Variants in MIDEAS observed in about 807,000 individuals in gnomAD.
MIDEAS encodes mitotic deacetylase-associated SANT domain protein.
Under a neutral mutation model 102.7 loss-of-function variants are expected in MIDEAS, and 26 were observed. The observed-to-expected ratio is 0.25, with a 90% confidence interval of 0.19 to 0.35. MIDEAS has a LOEUF of 0.35. Among genes scored for constraint, MIDEAS ranks in the 10% least tolerant of loss-of-function variants. The pLI is 1.00. For synonymous variants in MIDEAS, 585 were observed against 591.0 expected, an observed-to-expected ratio of 0.99 and a Z score of 0.15; for missense variants, 1,231 against 1,435.6, an observed-to-expected ratio of 0.86 and a Z score of 2.30.
chr14:73,783,853 T>C (rs1271072197), intron 1 of MIDEAS, among the ~76,000 whole-genome samples: 3 of 152,210 alleles, frequency 2.0e-5, no homozygotes, highest in Non-Finnish European at 4.4e-5. Context: ...CTTAAGCGAC[T>C]AGAATGCCCT....
At chr14:73,738,110 G>A (rs963417731) in intron 2 of MIDEAS, among the ~76,000 whole-genome samples, 1 of 152,084 alleles carries the variant, frequency 6.6e-6, no homozygotes, top group Non-Finnish European at 1.5e-5. Flanking sequence ...TATAGAAAGT[G>A]CTTCTGGCTG....
rs1370825367 is a variant in MIDEAS, at chr14:73,759,478, A to G, written c.-248+285T>C. On this transcript the variant is annotated intron_variant, in intron 1 of 12. Coordinates refer to ENST00000423556, the MANE Select transcript of MIDEAS (RefSeq NM_001367710.1). This position sits in a 1 kb window ranked among gnomAD's most constrained non-coding sequence, Gnocchi z 6.7. ...GCGCGCAAGCTGCGTAGCTGCACAA[A>G]CACCGCGGGGCTGCGCTGCACACGC... 2.0e-5 allele frequency among the ~76,000 whole-genome samples: 3 copies of G among 150,726 alleles called. No individual in the cohort carries two copies. In the East Asian group the frequency reaches 6.0e-4, roughly 30 times the overall value.
At chr14:73,769,727 G>A (rs1400024918) in intron 1 of MIDEAS, among the ~76,000 whole-genome samples, 1 of 151,826 alleles carries the variant, frequency 6.6e-6, no homozygotes, top group Non-Finnish European at 1.5e-5. Flanking sequence ...TCAGCCTCCC[G>A]AGTAACTGGG....
rs181333226 is a variant in MIDEAS at position 73,744,208 on chromosome 14, G to A, written c.-247-3953C>T. 4.2e-3 allele frequency among the ~76,000 whole-genome samples: 640 copies of A among 152,214 alleles called. 10 individuals are homozygous for A. The highest frequency in any genetic ancestry group is 0.039 in the Admixed American group (590 of 15,290). ...CACACACTGCTCCCCAAATGCCATC[G>A]GCAGCCCAGCTGCACACCCAACACT... On this transcript the variant is annotated intron_variant, in intron 1 of 12. Coordinates refer to ENST00000423556, the MANE Select transcript of MIDEAS (RefSeq NM_001367710.1).
chr14:73,746,039 G>T (rs554288718), intron 1 of MIDEAS, among the ~76,000 whole-genome samples: 1 of 152,232 alleles, frequency 6.6e-6, no homozygotes, highest in African/African-American at 2.4e-5. Flanking sequence ...CTTGGCCAGG[G>T]TTCAAGCTGC....
At chr14:73,761,832 A>C (rs2053557906), upstream of MIDEAS, among the ~76,000 whole-genome samples, 1 of 152,186 alleles carries the variant, frequency 6.6e-6, no homozygotes, top group South Asian at 2.1e-4. Flanking sequence ...AGAGAGGTTA[A>C]GTGAATTGCA....
At position 73,729,760 on chromosome 14, in the gene MIDEAS, T is replaced by TG; in HGVS notation, c.1974dup (p.Ile659HisfsTer31). 2 of 1,613,890 alleles carry TG rather than the reference T, an allele frequency of 1.2e-6. No individual in the cohort carries two copies. The highest frequency in any genetic ancestry group is 2.2e-5 in the East Asian group (1 of 44,868). On this transcript the variant is annotated frameshift_variant, in exon 4 of 13. Coordinates refer to ENST00000423556, the MANE Select transcript of MIDEAS (RefSeq NM_001367710.1). LOFTEE classifies it high-confidence loss of function. ...GAGCCTTCCCGCACAGGGCTGAGGA[T>TG]GGGGGGCGGCGTGTAGGGAGGTAGC...
chr14:73,785,599 G>A (rs1595306095), intron 1 of MIDEAS, among the ~76,000 whole-genome samples: 1 of 152,158 alleles, frequency 6.6e-6, no homozygotes, highest in Admixed American at 6.5e-5. Context: ...GTCACACATG[G>A]TCTGACGAGT....
intron 3 of MIDEAS, among the ~76,000 whole-genome samples, chr14:73,732,511 T>C (rs940079303): frequency 1.3e-5 from 2 of 152,058 alleles, no homozygotes; most frequent in Admixed American, 1.3e-4. Context: ...TTTGTCCAGG[T>C]GTGGTGGCTC....
chr14:73,778,218 G>A (rs1203019487), intron 1 of MIDEAS, among the ~76,000 whole-genome samples: 5 of 151,862 alleles, frequency 3.3e-5, no homozygotes, highest in African/African-American at 1.2e-4. Flanking sequence ...AGCCGGGTGC[G>A]GCAGCACACA....
chr14:73,770,342 G>T (rs75290636), intron 1 of MIDEAS, among the ~76,000 whole-genome samples: 1 of 147,458 alleles, frequency 6.8e-6, no homozygotes, highest in Non-Finnish European at 1.5e-5. Flanking sequence ...TAACAGTAAC[G>T]ACGGTGATGA....
intron 2 of MIDEAS, among the ~76,000 whole-genome samples, chr14:73,738,174 G>A (rs2053228343): frequency 6.6e-6 from 1 of 151,972 alleles, no homozygotes; most frequent in Non-Finnish European, 1.5e-5. Flanking sequence ...GAGGCAGGCA[G>A]ATCACGAGGT....
intron 1 of MIDEAS, among the ~76,000 whole-genome samples, chr14:73,766,103 C>CT (rs1443204264): frequency 6.6e-6 from 1 of 152,258 alleles, no homozygotes; most frequent in African/African-American, 2.4e-5. Flanking sequence ...ACCCAAACCT[C>CT]TGTCTTTGCT....
intron 1 of MIDEAS, among the ~76,000 whole-genome samples, chr14:73,785,579 C>T (rs1378519577): frequency 5.3e-5 from 8 of 152,236 alleles, no homozygotes; most frequent in South Asian, 2.1e-4. Flanking sequence ...AAGTCTAGCA[C>T]GCCAGCTCAG....
Position 73,715,914 on chromosome 14 carries a change from A to C in MIDEAS, c.*2929T>G, listed in dbSNP as rs2052880445. On this transcript the variant is annotated 3_prime_UTR_variant, in exon 13 of 13. Coordinates refer to ENST00000423556, the MANE Select transcript of MIDEAS (RefSeq NM_001367710.1). ...AGGGGGGCTGCTGAAGGCATGGAGG[A>C]CAGTAATGACGGCTGTGCCTCCTTG... is the stretch of plus-strand genomic sequence containing the variant. 6.6e-6 allele frequency: 1 copy of C among 152,396 alleles called. No homozygotes were observed. The allele number at this position is 152,396 out of a possible 1,614,324, so 9.4% of individuals were successfully genotyped here.
intron 2 of MIDEAS, 46 bp from the exon 3 acceptor site, chr14:73,737,343 GC>G (rs2053216572): frequency 6.4e-7 from 1 of 1,568,444 alleles, no homozygotes; most frequent in Admixed American, 1.8e-5. Context: ...GTAAGTCATA[GC>G]CAGGCGCAGT....
intron 1 of MIDEAS, among the ~76,000 whole-genome samples, chr14:73,782,748 G>A (rs1276158945): frequency 3.9e-5 from 6 of 152,230 alleles, no homozygotes; most frequent in Non-Finnish European, 8.8e-5. Flanking sequence ...CAGAGGTGTA[G>A]GGCATCACAG....
chr14:73,762,961 C>A (rs902615232), upstream of MIDEAS, among the ~76,000 whole-genome samples: 1 of 152,194 alleles, frequency 6.6e-6, no homozygotes, highest in Non-Finnish European at 1.5e-5. Flanking sequence ...CTTCCTAGGG[C>A]CACATCAGCT....
At position 73,753,930 on chromosome 14, in the gene MIDEAS, G is replaced by A. The variant is rs554542317; in HGVS notation, c.-248+5833C>T. Among the ~76,000 whole-genome samples the A allele has an allele frequency of 3.4e-5, 5 of 146,882 alleles. No individual in the cohort carries two copies. The South Asian group carries it at 6.7e-4, about 20-fold the overall frequency. ...AGCTTCCAGGCCCAAAGGATGAGCC[G>A]CCACCTCCTGGATTCACTCTAAGAA... On this transcript the variant is annotated intron_variant, in intron 1 of 12. Transcript: ENST00000423556.
Sources: allele counts gnomAD v4.1 joint callset (sites outside exome capture counted in the v4.1 genomes callset), GRCh38; gene constraint gnomAD v4.1.1; non-coding constraint Gnocchi (gnomAD v3.1); transcripts MANE v1.5; gene names NCBI Gene and HGNC (gene_info 2026-07-23, HGNC 2026-07-21).